The following CHL1 variants were observed in gnomAD, a reference collection of about 807,000 sequenced individuals.
The protein encoded by CHL1 is neural cell adhesion molecule L1-like protein.
Under a neutral mutation model 141.9 loss-of-function variants are expected in CHL1, and 96 were observed. The observed-to-expected ratio is 0.68, with a 90% confidence interval of 0.57 to 0.80. CHL1 has a LOEUF of 0.80. Among genes scored for constraint, CHL1 ranks in the 30% least tolerant of loss-of-function variants. The probability of loss-of-function intolerance (pLI) is 0.00; values close to 1 mark genes in which losing one functional copy is unlikely to be tolerated. For synonymous variants in CHL1, 613 were observed against 502.2 expected (o/e 1.22, Z -2.95); for missense variants, 1,820 against 1,457.2 (o/e 1.25, Z -4.05).
At chr3:260,223 C>T (rs1342511085) in intron 2 of CHL1, among the ~76,000 whole-genome samples, 1 of 151,944 alleles carries the variant, frequency 6.6e-6, no homozygotes, top group Non-Finnish European at 1.5e-5. Context: ...GAGATGGTGC[C>T]ACTGCACTCC....
Position 391,720 on chromosome 3 carries a change from A to G in CHL1, c.2837A>G (p.Asp946Gly). Reference sequence around the variant, plus strand: ...CTAAAGGTCATCAAAGTTGATAAAGACACTGCCACTTTATCTTGGGGACTA... The same window carrying G: ...CTAAAGGTCATCAAAGTTGATAAAGGCACTGCCACTTTATCTTGGGGACTA... ...TFLKVIKVDK[D>G]TATLSWGLPK... Residue 946 changes from aspartate to glycine, a missense_variant, in exon 23 of 28, where the codon GAC (aspartate) becomes GGC (glycine). By Grantham distance (94) the Asp-to-Gly change is moderately conservative. Coordinates refer to ENST00000256509, the MANE Select transcript of CHL1 (RefSeq NM_006614.4). 1.2e-6 allele frequency: 2 copies of G among 1,603,950 alleles called. No individual in the cohort carries two copies. Among genetic ancestry groups the G allele is most frequent in the Non-Finnish European group, 1.7e-6 (2 of 1,172,354 alleles).
At chr3:296,253 A>G (rs1427412388) in intron 2 of CHL1, among the ~76,000 whole-genome samples, 1 of 152,134 alleles carries the variant, frequency 6.6e-6, no homozygotes, top group Non-Finnish European at 1.5e-5. Flanking sequence ...TCCTCCATAT[A>G]CAGATTTTTA....
chr3:357,481 C>CA (rs1224642847), intron 11 of CHL1, among the ~76,000 whole-genome samples: 1 of 152,190 alleles, frequency 6.6e-6, no homozygotes, highest in Non-Finnish European at 1.5e-5. Flanking sequence ...AACTGAGACT[C>CA]AGAGAGGTTA....
chr3:309,753 G>A, intron 2 of CHL1, among the ~76,000 whole-genome samples: 1 of 152,136 alleles, frequency 6.6e-6, no homozygotes, highest in East Asian at 1.9e-4. Context: ...GGCCTTAGGT[G>A]ATCCTCCAGC....
chr3:351,489 G>T (rs1267724156), intron 10 of CHL1, among the ~76,000 whole-genome samples: 2 of 151,972 alleles, frequency 1.3e-5, no homozygotes, highest in African/African-American at 4.8e-5. Context: ...TAAAAACTTT[G>T]TTAATCATCT....
At chr3:370,210 G>A (rs1236764770) in intron 15 of CHL1, among the ~76,000 whole-genome samples, 1 of 152,184 alleles carries the variant, frequency 6.6e-6, no homozygotes, top group Non-Finnish European at 1.5e-5. Context: ...GAATTCGGCT[G>A]TCAATCCATC....
At chr3:360,630 T>C (rs1299784434) in intron 12 of CHL1, among the ~76,000 whole-genome samples, 1 of 151,640 alleles carries the variant, frequency 6.6e-6, no homozygotes, top group African/African-American at 2.4e-5. Context: ...AGGGTACATG[T>C]GCACAATGTG....
chr3:402,653 A>G (rs1340538034), intron 27 of CHL1, among the ~76,000 whole-genome samples: 1 of 152,150 alleles, frequency 6.6e-6, no homozygotes, highest in East Asian at 1.9e-4. Flanking sequence ...TCATTAGCTA[A>G]TTGGTAGACA....
chr3:348,052 G>T (rs1416084403), intron 9 of CHL1, among the ~76,000 whole-genome samples: 1 of 152,064 alleles, frequency 6.6e-6, no homozygotes, highest in Non-Finnish European at 1.5e-5. Context: ...ACGATTTCAA[G>T]GAATTGCTCA....
chr3:326,472 A>G (rs910616648), intron 4 of CHL1, among the ~76,000 whole-genome samples: 3 of 151,908 alleles, frequency 2.0e-5, no homozygotes, highest in African/African-American at 7.2e-5. Context: ...AAATTTAAAC[A>G]TCTTATTTTG....
At chr3:220,417 G>C (rs1030238055) in intron 1 of CHL1, among the ~76,000 whole-genome samples, 3 of 152,110 alleles carry the variant, frequency 2.0e-5, no homozygotes, top group African/African-American at 7.2e-5. Flanking sequence ...TGTAGCATGG[G>C]TGTCCAACCT....
intron 2 of CHL1, among the ~76,000 whole-genome samples, chr3:317,703 T>C (rs927752847): frequency 2.0e-5 from 3 of 151,074 alleles, no homozygotes; most frequent in Non-Finnish European, 3.0e-5. Context: ...AGGGCATTGA[T>C]ATTTTCCTCA....
In CHL1 at chr3:363,243, T is replaced by C; in HGVS notation, c.1445T>C (p.Leu482Pro). The C allele has an allele frequency of 6.2e-7, 1 of 1,612,700 alleles. No homozygotes were observed. Among genetic ancestry groups the C allele is most frequent in the South Asian group, 1.1e-5 (1 of 90,904 alleles). Residue 482 changes from leucine to proline, a missense_variant, in exon 14 of 28, where the codon CTG (leucine) becomes CCG (proline). Transcript: ENST00000256509. Reference sequence around the variant, plus strand: ...CAGAAGGTGGAAGAAGTGAAACCCCTGGAGGGCAGGCGGTATCATATCTAT... The same window carrying C: ...CAGAAGGTGGAAGAAGTGAAACCCCCGGAGGGCAGGCGGTATCATATCTAT... Reference protein sequence around the residue: ...SWQKVEEVKPLEGRRYHIYEN... With the variant: ...SWQKVEEVKPPEGRRYHIYEN...
At chr3:352,629 T>G (rs1703366044) in intron 10 of CHL1, among the ~76,000 whole-genome samples, 1 of 152,174 alleles carries the variant, frequency 6.6e-6, no homozygotes, top group Non-Finnish European at 1.5e-5. Context: ...AAGAAGCAGC[T>G]GTTTCTGAGC....
intron 2 of CHL1, among the ~76,000 whole-genome samples, chr3:302,099 A>C (rs139721617): frequency 6.6e-4 from 101 of 152,326 alleles, no homozygotes; most frequent in Admixed American, 2.2e-3. Flanking sequence ...ATGGTTGCAT[A>C]GTATTCCATG....
chr3:237,773 C>T (rs566495835), intron 1 of CHL1, among the ~76,000 whole-genome samples: 1 of 152,212 alleles, frequency 6.6e-6, no homozygotes, highest in Admixed American at 6.5e-5. Flanking sequence ...TGACATCTGA[C>T]ATATAATCTG....
At chr3:225,561 CTT>C (rs1328665385) in intron 1 of CHL1, among the ~76,000 whole-genome samples, 6 of 151,396 alleles carry the variant, frequency 4.0e-5, no homozygotes, top group African/African-American at 7.3e-5. Flanking sequence ...TGAGACAACT[CTT>C]GAAGCAAAAG....
Position 328,232 on chromosome 3 carries a change from A to G in CHL1, c.263A>G (p.Asn88Ser), listed in dbSNP as rs1450070622. The change falls in exon 5 of 28, where the codon AAT becomes AGT. Residue 88 changes from asparagine to serine, a missense_variant. By Grantham distance (46) the Asn-to-Ser change is conservative. Transcript: ENST00000256509. ...FTDHRIIPSN[N>S]SGTFRIPNEG... ...GACCATCGGATAATTCCATCGAACA[A>G]TTCAGGAACATTCAGGATCCCAAAC... is the stretch of plus-strand genomic sequence containing the variant. 1.2e-6 allele frequency: 2 copies of G among 1,612,864 alleles called. No individual in the cohort carries two copies. Among genetic ancestry groups the G allele is most frequent in the East Asian group, 2.2e-5 (1 of 44,824 alleles).
intron 2 of CHL1, among the ~76,000 whole-genome samples, chr3:268,143 A>C (rs1695315784): frequency 6.6e-6 from 1 of 152,228 alleles, no homozygotes; most frequent in Non-Finnish European, 1.5e-5. Flanking sequence ...GTAGATTTCT[A>C]AAACTCTGTA....
Sources: allele counts gnomAD v4.1 joint callset (sites outside exome capture counted in the v4.1 genomes callset), GRCh38; gene constraint gnomAD v4.1.1; transcripts MANE v1.5; gene names NCBI Gene and HGNC (gene_info 2026-07-23, HGNC 2026-07-21).